SNTG2: variants seen among roughly 807,000 people sequenced by gnomAD.
The protein encoded by SNTG2 is gamma-2-syntrophin.
Under a neutral mutation model 70.9 loss-of-function variants are expected in SNTG2, and 74 were observed. The ratio of observed to expected loss-of-function variants is 1.04; its 90% CI spans 0.86 to 1.27. The LOEUF (loss-of-function observed/expected upper bound fraction) is 1.27, where lower values mean the gene tolerates loss of function less well. Among genes scored for constraint, SNTG2 ranks in the 50% most tolerant of loss-of-function variants. The probability of loss-of-function intolerance (pLI) is 0.00; values close to 1 mark genes in which losing one functional copy is unlikely to be tolerated. For synonymous variants in SNTG2, 278 were observed against 273.8 expected (o/e 1.02, Z -0.15); for missense variants, 717 against 690.7 (o/e 1.04, Z -0.43).
At chr2:1,099,220 T>TG (rs1665600025) in intron 4 of SNTG2, among the ~76,000 whole-genome samples, 1 of 152,024 alleles carries the variant, frequency 6.6e-6, no homozygotes, top group Non-Finnish European at 1.5e-5. Flanking sequence ...CACCTGGACA[T>TG]GCGGTCCGTG....
chr2:1,077,922 C>A, intron 1 of SNTG2, among the ~76,000 whole-genome samples: 1 of 152,086 alleles, frequency 6.6e-6, no homozygotes. Flanking sequence ...CCCGAGACCT[C>A]CTGGTGCTGA....
chr2:1,298,124 T>C (rs554186186), intron 14 of SNTG2, among the ~76,000 whole-genome samples: 1 of 152,288 alleles, frequency 6.6e-6, no homozygotes, highest in African/African-American at 2.4e-5. Context: ...ATTTCATTCA[T>C]TTATTTATTT....
At chr2:1,064,883 A>G (rs1292746979) in intron 1 of SNTG2, among the ~76,000 whole-genome samples, 1 of 152,238 alleles carries the variant, frequency 6.6e-6, no homozygotes, top group African/African-American at 2.4e-5. Flanking sequence ...GGGATCAATG[A>G]CAAGACCCAA....
At chr2:1,219,824 T>A (rs1558545928) in intron 9 of SNTG2, 1 of 152,090 alleles carries the variant, frequency 6.6e-6, no homozygotes, top group African/African-American at 2.4e-5. Context: ...CCATGTTTTT[T>A]AAAAATACAA....
At chr2:1,214,802 A>C (rs1674273820) in intron 9 of SNTG2, among the ~76,000 whole-genome samples, 1 of 152,134 alleles carries the variant, frequency 6.6e-6, no homozygotes, top group Non-Finnish European at 1.5e-5. Context: ...GCACATATTT[A>C]TCTTGTTCTG....
intron 14 of SNTG2, among the ~76,000 whole-genome samples, chr2:1,286,762 C>T (rs1016040688): frequency 6.6e-6 from 1 of 152,186 alleles, no homozygotes; most frequent in Non-Finnish European, 1.5e-5. Context: ...ATTGAGGGCT[C>T]AGTGTTGGTC....
intron 8 of SNTG2, among the ~76,000 whole-genome samples, chr2:1,195,420 T>C (rs1472179685): frequency 1.3e-5 from 2 of 152,234 alleles, no homozygotes; most frequent in Non-Finnish European, 2.9e-5. Flanking sequence ...CCATTCCAAC[T>C]GACATGAGAT....
chr2:1,183,770 G>T (rs1217615649), intron 8 of SNTG2, among the ~76,000 whole-genome samples: 1 of 151,918 alleles, frequency 6.6e-6, no homozygotes, highest in Admixed American at 6.6e-5. Context: ...GATGCAAAAG[G>T]CATTTATTCT....
At chr2:1,084,220 T>C (rs1664533027) in intron 2 of SNTG2, among the ~76,000 whole-genome samples, 1 of 152,162 alleles carries the variant, frequency 6.6e-6, no homozygotes, top group Non-Finnish European at 1.5e-5. Flanking sequence ...TTCTGAGTCC[T>C]CCTGTCCTTT....
chr2:1,131,777 G>A (rs1668031361), intron 4 of SNTG2, among the ~76,000 whole-genome samples: 1 of 151,888 alleles, frequency 6.6e-6, no homozygotes, highest in African/African-American at 2.4e-5. Flanking sequence ...TCAGCCTCCT[G>A]AGTAGCTGGG....
intron 6 of SNTG2, among the ~76,000 whole-genome samples, chr2:1,153,125 A>C (rs1467848616): frequency 5.6e-5 from 5 of 89,814 alleles, no homozygotes; most frequent in African/African-American, 5.5e-4. Flanking sequence ...ACTCCATCTC[A>C]AAAAAAAAAA....
At chr2:1,350,541 G>A (rs1048931219) in intron 16 of SNTG2, among the ~76,000 whole-genome samples, 1 of 152,198 alleles carries the variant, frequency 6.6e-6, no homozygotes, top group Non-Finnish European at 1.5e-5. Flanking sequence ...TTCCAGCAAG[G>A]ACAGCCGGAT....
At chr2:1,028,772 G>A (rs997369063) in intron 1 of SNTG2, among the ~76,000 whole-genome samples, 2 of 144,060 alleles carry the variant, frequency 1.4e-5, no homozygotes, top group Admixed American at 7.1e-5. Context: ...AATCACATTT[G>A]CATGAAAGCC....
At chr2:1,144,397 A>G (rs1368917871) in intron 6 of SNTG2, among the ~76,000 whole-genome samples, 1 of 152,158 alleles carries the variant, frequency 6.6e-6, no homozygotes, top group African/African-American at 2.4e-5. Flanking sequence ...TCACCCGACA[A>G]CAGCAGAATA....
chr2:1,201,338 A>T (rs1196844347), intron 8 of SNTG2, among the ~76,000 whole-genome samples: 1 of 151,948 alleles, frequency 6.6e-6, no homozygotes, highest in Non-Finnish European at 1.5e-5. Context: ...AGTAAGAGCT[A>T]AAAAAGTTGA....
chr2:1,202,114 A>G (rs543321352), intron 8 of SNTG2, among the ~76,000 whole-genome samples: 1 of 152,244 alleles, frequency 6.6e-6, no homozygotes, highest in Admixed American at 6.5e-5. Flanking sequence ...CTTGATACAT[A>G]GGAAGAAGTG....
intron 1 of SNTG2, among the ~76,000 whole-genome samples, chr2:1,016,197 C>G (rs1336680942): frequency 6.6e-6 from 1 of 151,948 alleles, no homozygotes; most frequent in Non-Finnish European, 1.5e-5. Context: ...TAACTGTTGT[C>G]AACAAGTAAT....
At chr2:1,189,471 C>A (rs1214492574) in intron 8 of SNTG2, among the ~76,000 whole-genome samples, 1 of 152,020 alleles carries the variant, frequency 6.6e-6, no homozygotes, top group Non-Finnish European at 1.5e-5. Context: ...TCTTCCAGAC[C>A]TTTTATTTGA....
At position 1,266,379 on chromosome 2, in the gene SNTG2, C is replaced by T. The variant is rs1678735000; in HGVS notation, c.1078-986C>T. Among the ~76,000 whole-genome samples the T allele has an allele frequency of 2.0e-5, 3 of 152,318 alleles. No homozygotes were observed. The South Asian group carries it at 6.2e-4, about 32-fold the overall frequency. On this transcript the variant is annotated intron_variant, in intron 13 of 16. Coordinates refer to ENST00000308624, the MANE Select transcript of SNTG2 (RefSeq NM_018968.4). ...AAGAAGTGGGGAGCTCCCCAGGCTG[C>T]TCCATGCAGCACAGGCTGGCAGCAT...
Sources: allele counts gnomAD v4.1 joint callset (sites outside exome capture counted in the v4.1 genomes callset), GRCh38; gene constraint gnomAD v4.1.1; transcripts MANE v1.5; gene names NCBI Gene and HGNC (gene_info 2026-07-23, HGNC 2026-07-21).